Variants in LIN7A observed in about 807,000 individuals in gnomAD.
LIN7A encodes lin-7 cell polarity scaffold A.
A neutral mutation model predicts 29.8 loss-of-function variants in LIN7A; 25 were observed. The observed-to-expected ratio is 0.84, with a 90% CI of 0.61 to 1.17. The LOEUF is 1.17. LIN7A is among the 50% of genes most tolerant of loss of function. LIN7A has a pLI of 0.00. For missense variants in LIN7A, 239 were observed against 287.0 expected (o/e 0.83, Z 1.21); for synonymous variants, 118 against 107.5 (o/e 1.10, Z -0.60).
chr12:80,876,302 T>A (rs563063821), intron 2 of LIN7A, among the ~76,000 whole-genome samples: 1 of 152,236 alleles, frequency 6.6e-6, no homozygotes, highest in East Asian at 1.9e-4. Context: ...GAGACTATGA[T>A]GGATAGTAAG....
At chr12:80,871,509 C>G (rs1336551428) in intron 2 of LIN7A, among the ~76,000 whole-genome samples, 2 of 152,024 alleles carry the variant, frequency 1.3e-5, no homozygotes, top group African/African-American at 4.8e-5. Flanking sequence ...GAAACCTACT[C>G]ATCTTACTTT....
At chr12:80,804,700 G>A (rs1248782685) in intron 5 of LIN7A, among the ~76,000 whole-genome samples, 1 of 151,268 alleles carries the variant, frequency 6.6e-6, no homozygotes, top group Admixed American at 6.6e-5. Context: ...CACCAGCTCT[G>A]GCTAATTTTT....
chr12:80,859,604 T>C (rs1414885874), intron 2 of LIN7A, among the ~76,000 whole-genome samples: 1 of 152,162 alleles, frequency 6.6e-6, no homozygotes, highest in African/African-American at 2.4e-5. Flanking sequence ...TTAATCATAT[T>C]GAACCTATTG....
intron 1 of LIN7A, among the ~76,000 whole-genome samples, chr12:80,918,304 T>G (rs1877124825): frequency 6.6e-6 from 1 of 152,032 alleles, no homozygotes; most frequent in South Asian, 2.1e-4. Context: ...CATGTTGGCC[T>G]CCCACAGTAC....
At chr12:80,836,820 T>A (rs186438271) in intron 4 of LIN7A, among the ~76,000 whole-genome samples, 2 of 152,240 alleles carry the variant, frequency 1.3e-5, no homozygotes, top group Admixed American at 6.5e-5. Flanking sequence ...TCTTTGTGAA[T>A]TTTCCCTCCC....
At chr12:80,802,454 C>T (rs984893721) in intron 5 of LIN7A, among the ~76,000 whole-genome samples, 2 of 152,118 alleles carry the variant, frequency 1.3e-5, no homozygotes, top group Non-Finnish European at 2.9e-5. Flanking sequence ...TTTTAACATG[C>T]TAATTTCAAT....
chr12:80,903,227 T>A (rs2120747030), intron 1 of LIN7A, among the ~76,000 whole-genome samples: 1 of 152,006 alleles, frequency 6.6e-6, no homozygotes, highest in Non-Finnish European at 1.5e-5. Flanking sequence ...GATAAAAAAT[T>A]AAATGTAAGG....
chr12:80,833,757 T>C (rs997435996), intron 4 of LIN7A, among the ~76,000 whole-genome samples: 3 of 152,184 alleles, frequency 2.0e-5, no homozygotes, highest in Non-Finnish European at 4.4e-5. Flanking sequence ...ATTCTAACAT[T>C]CCATAGATAA....
intron 2 of LIN7A, among the ~76,000 whole-genome samples, chr12:80,857,635 A>G (rs1306492977): frequency 2.0e-5 from 3 of 152,198 alleles, no homozygotes; most frequent in African/African-American, 7.2e-5. Flanking sequence ...AATTGAAATT[A>G]TTCATAATTT....
intron 2 of LIN7A, among the ~76,000 whole-genome samples, chr12:80,858,504 TTTC>T (rs1873710973): frequency 7.7e-6 from 1 of 129,560 alleles, no homozygotes; most frequent in South Asian, 2.5e-4. Context: ...CAAGAAGAAA[TTTC>T]TTTTTTTTTT....
intron 1 of LIN7A, among the ~76,000 whole-genome samples, chr12:80,919,843 C>G (rs1041594071): frequency 6.6e-6 from 1 of 152,114 alleles, no homozygotes; most frequent in Non-Finnish European, 1.5e-5. Flanking sequence ...ACAGAGGCTT[C>G]CTAAGACTGA....
At chr12:80,807,073 T>C (rs7964821) in intron 5 of LIN7A, among the ~76,000 whole-genome samples, 1 of 52,626 alleles carries the variant, frequency 1.9e-5, no homozygotes, top group African/African-American at 7.3e-5. Flanking sequence ...GTTTTTTTTT[T>C]TTTTTTTTTT....
chr12:80,804,363 C>G (rs1211382728), intron 5 of LIN7A, among the ~76,000 whole-genome samples: 1 of 152,072 alleles, frequency 6.6e-6, no homozygotes, highest in Admixed American at 6.5e-5. Context: ...CCTCCCTCCC[C>G]ACTCCTCCAC....
chr12:80,800,675 A>G (rs1870679389), intron 5 of LIN7A, among the ~76,000 whole-genome samples: 2 of 152,124 alleles, frequency 1.3e-5, no homozygotes, highest in Non-Finnish European at 1.5e-5. Flanking sequence ...TTTAAGAAAT[A>G]AGTTATACCA....
intron 2 of LIN7A, among the ~76,000 whole-genome samples, chr12:80,873,856 CTT>C (rs533172741): frequency 2.3e-5 from 3 of 129,470 alleles, no homozygotes; most frequent in Non-Finnish European, 1.7e-5. Context: ...TTTATGTTTG[CTT>C]TTTTTTTTTT....
Position 80,792,633 on chromosome 12 carries a change from T to C in LIN7A, c.*5094A>G, listed in dbSNP as rs962814905. 6.6e-6 allele frequency: 1 copy of C among 152,190 alleles called. No homozygotes were observed. 9.4% of individuals were successfully genotyped at this position (152,190 alleles called of 1,614,324 possible). A position where few individuals can be genotyped will look rare whatever the true frequency, so the allele number is the denominator to read the frequency against. On this transcript the variant is annotated 3_prime_UTR_variant, in exon 6 of 6. Coordinates refer to ENST00000552864, the MANE Select transcript of LIN7A (RefSeq NM_004664.4). ...AATAATGAAAACAATTGGAAAGACA[T>C]GATGTACATGCAAATGGTGAGAAAA...
intron 2 of LIN7A, among the ~76,000 whole-genome samples, chr12:80,869,206 G>A (rs1874302583): frequency 6.6e-6 from 1 of 151,450 alleles, no homozygotes; most frequent in African/African-American, 2.4e-5. Flanking sequence ...AAGGTTGTGT[G>A]GTGTAGTTCA....
chr12:80,847,523 A>G (rs549350568), intron 3 of LIN7A, among the ~76,000 whole-genome samples: 2 of 152,242 alleles, frequency 1.3e-5, no homozygotes, highest in Non-Finnish European at 2.9e-5. Flanking sequence ...TTTCTTATAC[A>G]TTATTAGAAA....
intron 4 of LIN7A, among the ~76,000 whole-genome samples, chr12:80,823,503 C>A (rs942807663): frequency 6.6e-6 from 1 of 152,256 alleles, no homozygotes; most frequent in Non-Finnish European, 1.5e-5. Context: ...CCACAGCCAG[C>A]ATGCCTGGCT....
Sources: gnomAD v4.1 joint callset for allele counts (sites outside exome capture counted in the v4.1 genomes callset) on GRCh38, gnomAD v4.1.1 for gene constraint, MANE v1.5 for transcripts, NCBI Gene and HGNC (gene_info 2026-07-23, HGNC 2026-07-21) for gene names.